TACR3: variants seen among roughly 807,000 people sequenced by gnomAD.
TACR3 encodes the protein neuromedin-K receptor.
TACR3 carries 34 observed loss-of-function variants against 35.0 expected under a neutral mutation model. The ratio of observed to expected loss-of-function variants is 0.97; its 90% CI spans 0.74 to 1.30. The LOEUF (loss-of-function observed/expected upper bound fraction) is 1.30. TACR3 is among the 50% of genes most tolerant of loss of function. The pLI is 0.00. For missense variants in TACR3, 558 were observed against 591.7 expected (o/e 0.94, Z 0.59); for synonymous variants, 233 against 221.1 (o/e 1.05, Z -0.48).
intron 3 of TACR3, among the ~76,000 whole-genome samples, chr4:103,602,489 CTCTT>C (rs1029516789): frequency 6.3e-5 from 4 of 63,538 alleles, no homozygotes; most frequent in African/African-American, 2.0e-4. Context: ...AGTTTTTCTG[CTCTT>C]TTTTTTTTTT....
intron 1 of TACR3, 110 bp from the exon 2 acceptor site, chr4:103,658,513 T>A: frequency 9.6e-7 from 1 of 1,036,790 alleles, no homozygotes; most frequent in Non-Finnish European, 1.4e-6. Flanking sequence ...CATTGCTCTT[T>A]TGGGAAACCA....
chr4:103,605,948 A>T (rs182751214), intron 3 of TACR3, among the ~76,000 whole-genome samples: 336 of 152,052 alleles, frequency 2.2e-3, no homozygotes, highest in African/African-American at 7.5e-3. Flanking sequence ...TAGGGTTTTT[A>T]TGGTTTTAGG....
chr4:103,711,386 A>C (rs1227410779), intron 1 of TACR3, among the ~76,000 whole-genome samples: 1 of 152,214 alleles, frequency 6.6e-6, no homozygotes, highest in African/African-American at 2.4e-5. Flanking sequence ...AACCAATGAC[A>C]AAAAGCACAT....
intron 1 of TACR3, among the ~76,000 whole-genome samples, chr4:103,693,808 AT>A (rs1231010176): frequency 5.9e-5 from 9 of 151,950 alleles, no homozygotes; most frequent in African/African-American, 1.9e-4. Context: ...GTGTTTAGAG[AT>A]TTTTTTCCCA....
rs114649876 is a variant in TACR3 at position 103,643,706 on chromosome 4, A to C, written c.888+12488T>G. Among the ~76,000 whole-genome samples the C allele has an allele frequency of 5.5e-3, 840 of 151,934 alleles. 9 individuals carry two copies. The highest frequency in any genetic ancestry group is 0.02 in the African/African-American group (811 of 41,514). ...CAAAGCTCTATATAATGATTGTATAAAATCTATAATAATTGATATAATTCT... is the reference window on the plus strand; with the variant it reads ...CAAAGCTCTATATAATGATTGTATACAATCTATAATAATTGATATAATTCT... On this transcript the variant is annotated intron_variant, in intron 3 of 4. Transcript: ENST00000304883.
chr4:103,682,961 C>T (rs1722134529), intron 1 of TACR3, among the ~76,000 whole-genome samples: 3 of 152,140 alleles, frequency 2.0e-5, no homozygotes, highest in South Asian at 2.1e-4. Flanking sequence ...ATTCAATCAC[C>T]GAAGTGACAT....
chr4:103,612,790 G>A (rs1368844741), intron 3 of TACR3, among the ~76,000 whole-genome samples: 5 of 151,904 alleles, frequency 3.3e-5, no homozygotes, highest in South Asian at 2.1e-4. Flanking sequence ...GATTACAGGC[G>A]TGAGCCACAG....
At chr4:103,696,595 G>C (rs538238718) in intron 1 of TACR3, among the ~76,000 whole-genome samples, 2 of 152,166 alleles carry the variant, frequency 1.3e-5, no homozygotes, top group South Asian at 4.2e-4. Context: ...TTTCAAAGTG[G>C]TGAACTATCT....
chr4:103,649,299 C>T (rs1725530517), intron 3 of TACR3, among the ~76,000 whole-genome samples: 1 of 151,990 alleles, frequency 6.6e-6, no homozygotes, highest in Non-Finnish European at 1.5e-5. Context: ...GATGTGATCT[C>T]CTTTTGTCCA....
intron 1 of TACR3, among the ~76,000 whole-genome samples, chr4:103,709,258 A>C (rs1407698656): frequency 6.6e-6 from 1 of 152,204 alleles, no homozygotes; most frequent in African/African-American, 2.4e-5. Flanking sequence ...GCCAGAGAGA[A>C]AGGTCGGGTT....
chr4:103,664,845 T>C (rs1420876408), intron 1 of TACR3, among the ~76,000 whole-genome samples: 1 of 152,182 alleles, frequency 6.6e-6, no homozygotes, highest in Non-Finnish European at 1.5e-5. Flanking sequence ...GGCCTCTTGC[T>C]CTGTTGCCAA....
chr4:103,626,705 G>T (rs552394597), intron 3 of TACR3, among the ~76,000 whole-genome samples: 1 of 152,160 alleles, frequency 6.6e-6, no homozygotes, highest in Admixed American at 6.6e-5. Flanking sequence ...AAGAAAGCAG[G>T]CATTGTGTTT....
At chr4:103,630,326 A>G (rs1725029642) in intron 3 of TACR3, among the ~76,000 whole-genome samples, 1 of 152,240 alleles carries the variant, frequency 6.6e-6, no homozygotes, top group East Asian at 1.9e-4. Context: ...ACAAAAGCCA[A>G]AATTGACAAA....
Position 103,719,362 on chromosome 4 carries a change from A to G in TACR3, c.314T>C (p.Ile105Thr), listed in dbSNP as rs1223972325. The G allele has an allele frequency of 6.2e-7, 1 of 1,614,206 alleles. No individual in the cohort carries two copies. The highest frequency in any genetic ancestry group is 8.5e-7 in the Non-Finnish European group (1 of 1,180,026). Residue 105 changes from isoleucine (I) to threonine (T), a missense_variant, in exon 1 of 5, where the codon ATC becomes ACC. Ile to Thr is a moderately conservative substitution (Grantham distance 89). Coordinates refer to ENST00000304883, the MANE Select transcript of TACR3 (RefSeq NM_001059.3). ...GTGGGCCAGGATGATCCAGATGACG[A>G]TGAGATTTCCCAAAACTGCCACTGC... ...VVAVAVLGNL[I>T]VIWIILAHKR... is the part of the protein sequence containing the mutation.
intron 3 of TACR3, among the ~76,000 whole-genome samples, chr4:103,641,297 G>T (rs1361614684): frequency 6.6e-6 from 1 of 151,740 alleles, no homozygotes. Context: ...ATACCATTTT[G>T]ATTACTATAG....
intron 3 of TACR3, among the ~76,000 whole-genome samples, chr4:103,603,617 G>T (rs1383209728): frequency 6.6e-6 from 1 of 152,202 alleles, no homozygotes; most frequent in African/African-American, 2.4e-5. Context: ...ATTGTGAACA[G>T]TGCTGCAATA....
chr4:103,608,907 A>G (rs1173638571), intron 3 of TACR3, among the ~76,000 whole-genome samples: 2 of 152,146 alleles, frequency 1.3e-5, no homozygotes, highest in Non-Finnish European at 2.9e-5. Context: ...GCCTACAAAC[A>G]AGGTAGCACA....
At chr4:103,667,485 A>G (rs1296522197) in intron 1 of TACR3, among the ~76,000 whole-genome samples, 3 of 152,208 alleles carry the variant, frequency 2.0e-5, no homozygotes, top group Non-Finnish European at 4.4e-5. Flanking sequence ...CTAAGAGACT[A>G]GAATTAGAAT....
chr4:103,603,358 C>A (rs146566732), intron 3 of TACR3, among the ~76,000 whole-genome samples: 2,253 of 152,318 alleles, frequency 0.015, 54 homozygotes, highest in African/African-American at 0.051. Context: ...TGAGGTTATG[C>A]CTCGCCCTGC....
Sources: allele counts gnomAD v4.1 joint callset (sites outside exome capture counted in the v4.1 genomes callset), GRCh38; gene constraint gnomAD v4.1.1; transcripts MANE v1.5; gene names NCBI Gene and HGNC (gene_info 2026-07-23, HGNC 2026-07-21).